The following EPB41L3 variants were observed in gnomAD, a reference collection of about 807,000 sequenced individuals.
The protein encoded by EPB41L3 is erythrocyte membrane protein band 4.1 like 3, also known as band 4.1-like protein 3.
In EPB41L3, 57 loss-of-function variants were observed where a neutral mutation model predicts 127.1. The ratio of observed to expected loss-of-function variants is 0.45; its 90% CI spans 0.36 to 0.56. EPB41L3 has a LOEUF of 0.56. EPB41L3 is among the 20% of genes least tolerant of loss of function. The probability of loss-of-function intolerance (pLI) is 0.00; values close to 1 mark genes in which losing one functional copy is unlikely to be tolerated. For synonymous variants in EPB41L3, 572 were observed against 549.5 expected (o/e 1.04, Z -0.57); for missense variants, 1,273 against 1,372.2 (o/e 0.93, Z 1.14).
intron 1 of EPB41L3, among the ~76,000 whole-genome samples, chr18:5,506,386 C>T (rs1407589904): frequency 6.6e-6 from 1 of 152,156 alleles, no homozygotes; most frequent in Non-Finnish European, 1.5e-5. Context: ...CTCCCCACCA[C>T]TCCTCCCACC....
chr18:5,424,491 T>C, intron 9 of EPB41L3, 132 bp from the exon 10 acceptor site: 1 of 628,032 alleles, frequency 1.6e-6, no homozygotes, highest in Non-Finnish European at 2.7e-6. Context: ...GCTATATGCA[T>C]AATTCATGCT....
At chr18:5,628,196 T>C (rs953221072) in intron 1 of EPB41L3, among the ~76,000 whole-genome samples, 1 of 152,208 alleles carries the variant, frequency 6.6e-6, no homozygotes, top group South Asian at 2.1e-4. Flanking sequence ...ATATAGGAGA[T>C]CCCACATAGA....
intron 1 of EPB41L3, among the ~76,000 whole-genome samples, chr18:5,506,295 G>C (rs1363097275): frequency 6.6e-6 from 1 of 152,146 alleles, no homozygotes; most frequent in East Asian, 1.9e-4. Context: ...CTTAGAGTAA[G>C]CTCCACTGTC....
intron 3 of EPB41L3, among the ~76,000 whole-genome samples, chr18:5,475,060 T>C (rs1042645413): frequency 6.6e-6 from 1 of 152,220 alleles, no homozygotes; most frequent in African/African-American, 2.4e-5. Context: ...TAACTGAGAA[T>C]AGCTTTCCTA....
rs1031752124 is a variant in EPB41L3, at chr18:5,489,628, T to C, written c.-11-434A>G. 9.2e-5 allele frequency among the ~76,000 whole-genome samples: 14 copies of C among 152,206 alleles called. 1 individual carries two copies. In the South Asian group the frequency reaches 2.7e-3, roughly 29 times the overall value. On this transcript the variant is annotated intron_variant, in intron 1 of 22. Coordinates refer to ENST00000341928, the MANE Select transcript of EPB41L3 (RefSeq NM_012307.5). ...TCATTTCCCTCCCCCTTCCTATCTCTATACAGGGGCCCTCCCAACCCCCTG... is the reference window on the plus strand; with the variant it reads ...TCATTTCCCTCCCCCTTCCTATCTCCATACAGGGGCCCTCCCAACCCCCTG...
At chr18:5,454,253 C>A (rs1434724900) in intron 3 of EPB41L3, among the ~76,000 whole-genome samples, 1 of 144,984 alleles carries the variant, frequency 6.9e-6, no homozygotes, top group Non-Finnish European at 1.5e-5. Flanking sequence ...AATGCCAAAG[C>A]GCCGTGGTCA....
At chr18:5,529,002 G>C (rs1000040442) in intron 1 of EPB41L3, 6 of 152,186 alleles carry the variant, frequency 3.9e-5, no homozygotes, top group Non-Finnish European at 8.8e-5. Context: ...CTGTGATCAA[G>C]AATATGCTAC....
At chr18:5,500,449 C>T (rs979903711) in intron 1 of EPB41L3, among the ~76,000 whole-genome samples, 1 of 152,090 alleles carries the variant, frequency 6.6e-6, no homozygotes, top group African/African-American at 2.4e-5. Context: ...CCAACTCCTT[C>T]TGAAATGGGT....
chr18:5,613,201 G>T (rs1441217987), intron 2 of EPB41L3, among the ~76,000 whole-genome samples: 1 of 152,150 alleles, frequency 6.6e-6, no homozygotes, highest in Non-Finnish European at 1.5e-5. Flanking sequence ...GGAAGTGAGT[G>T]ACCTTGACCA....
At chr18:5,618,046 T>C (rs1025768196) in intron 1 of EPB41L3, among the ~76,000 whole-genome samples, 1 of 152,212 alleles carries the variant, frequency 6.6e-6, no homozygotes, top group Non-Finnish European at 1.5e-5. Flanking sequence ...TTTAATATAG[T>C]TGTCTGGACT....
intron 3 of EPB41L3, among the ~76,000 whole-genome samples, chr18:5,560,959 A>G (rs2094118415): frequency 7.7e-6 from 1 of 130,614 alleles, no homozygotes; most frequent in Non-Finnish European, 1.7e-5. Context: ...TTATTTATTT[A>G]TTTATTTATT....
intron 2 of EPB41L3, among the ~76,000 whole-genome samples, chr18:5,480,419 T>G (rs2088204639): frequency 6.6e-6 from 1 of 152,218 alleles, no homozygotes; most frequent in Admixed American, 6.5e-5. Flanking sequence ...CTCTATGGTA[T>G]GGGTATTATT....
At chr18:5,629,788 T>G (rs994779321), upstream of EPB41L3, among the ~76,000 whole-genome samples, 2 of 152,074 alleles carry the variant, frequency 1.3e-5, no homozygotes, top group Admixed American at 6.5e-5. Flanking sequence ...ACAACTAGGC[T>G]GCCGGGACCG....
At chr18:5,500,013 G>C (rs1323354143) in intron 1 of EPB41L3, among the ~76,000 whole-genome samples, 3 of 151,864 alleles carry the variant, frequency 2.0e-5, no homozygotes, top group African/African-American at 7.3e-5. Flanking sequence ...TCTGCTTTTC[G>C]AGGCTCAATA....
chr18:5,447,315 G>C (rs1411169512), intron 3 of EPB41L3, among the ~76,000 whole-genome samples: 1 of 152,102 alleles, frequency 6.6e-6, no homozygotes, highest in Non-Finnish European at 1.5e-5. Flanking sequence ...ATGTAGAGCA[G>C]ATTATTATGC....
In EPB41L3 at chr18:5,394,790, G is replaced by A. The variant is rs768953196; in HGVS notation, c.3157C>T (p.Leu1053=). Residue 1053 remains leucine, a synonymous_variant, in exon 22 of 23, where the codon CTG becomes TTG. Coordinates refer to ENST00000341928, the MANE Select transcript of EPB41L3 (RefSeq NM_012307.5). ...TTGGCCTCTTTAATTGCCTGAGCCAGCGCCTATCCCCGGGAAATCACAGAA... is the reference window on the plus strand; with the variant it reads ...TTGGCCTCTTTAATTGCCTGAGCCAACGCCTATCCCCGGGAAATCACAGAA... ...GDADIDHDQA[L]AQAIKEAKEQ... 1 of 1,614,126 alleles carries A rather than the reference G, an allele frequency of 6.2e-7. No homozygotes were observed.
chr18:5,476,635 T>C (rs1237265566), intron 3 of EPB41L3, among the ~76,000 whole-genome samples: 1 of 152,170 alleles, frequency 6.6e-6, no homozygotes, highest in African/African-American at 2.4e-5. Context: ...ATGCAAAAAA[T>C]AGAAAGACTC....
At chr18:5,411,202 T>C (rs2076152819) in intron 13 of EPB41L3, among the ~76,000 whole-genome samples, 1 of 152,198 alleles carries the variant, frequency 6.6e-6, no homozygotes, top group African/African-American at 2.4e-5. Flanking sequence ...GGCATATATT[T>C]TTTATGGGAA....
At chr18:5,447,821 T>C (rs932297880) in intron 3 of EPB41L3, among the ~76,000 whole-genome samples, 2 of 152,226 alleles carry the variant, frequency 1.3e-5, no homozygotes, top group Admixed American at 6.5e-5. Flanking sequence ...TTTCTATTAA[T>C]GAGTCCCATC....
Sources: gnomAD v4.1 joint callset for allele counts (sites outside exome capture counted in the v4.1 genomes callset) on GRCh38, gnomAD v4.1.1 for gene constraint, MANE v1.5 for transcripts, NCBI Gene and HGNC (gene_info 2026-07-23, HGNC 2026-07-21) for gene names.